WWOX: variants seen among roughly 807,000 people sequenced by gnomAD.
WWOX encodes the protein WW domain-containing oxidoreductase.
Under a neutral mutation model 46.2 loss-of-function variants are expected in WWOX, and 69 were observed. The ratio of observed to expected loss-of-function variants is 1.49; its 90% CI spans 1.23 to 1.82. WWOX has a LOEUF of 1.82. WWOX is among the 40% of genes most tolerant of loss of function. WWOX has a pLI of 0.00. For missense variants in WWOX, 919 were observed against 542.6 expected (o/e 1.69, Z -6.89); for synonymous variants, 359 against 202.6 (o/e 1.77, Z -6.56).
In WWOX at chr16:78,344,572, A is replaced by C. The variant is rs143058922; in HGVS notation, c.517-42288A>C. Among the ~76,000 whole-genome samples the C allele has an allele frequency of 4.1e-3, 496 of 121,172 alleles. 101 individuals carry two copies. The highest frequency in any genetic ancestry group is 0.013 in the African/African-American group (482 of 35,748). 79.5% of individuals were successfully genotyped at this position (121,172 alleles called of 152,430 possible). A position where few individuals can be genotyped will look rare whatever the true frequency, so the allele number is the denominator to read the frequency against. ...TCTTTGCCTGTGACTCTATCGTGTG[A>C]ATTAGCAGAGCTTGGCTATTATTCC... On this transcript the variant is annotated intron_variant, in intron 5 of 8. Coordinates refer to ENST00000566780, the MANE Select transcript of WWOX (RefSeq NM_016373.4).
intron 8 of WWOX, among the ~76,000 whole-genome samples, chr16:78,495,530 A>C (rs1449600462): frequency 7.4e-6 from 1 of 134,390 alleles, no homozygotes; most frequent in Non-Finnish European, 1.6e-5. Context: ...TTTTTTGGAG[A>C]TGGAGTCTCA....
At chr16:78,312,885 C>T (rs1028243296) in intron 5 of WWOX, among the ~76,000 whole-genome samples, 1 of 152,206 alleles carries the variant, frequency 6.6e-6, no homozygotes, top group Non-Finnish European at 1.5e-5. Context: ...GGCCTCACTT[C>T]CCACTGCCTC....
rs761638116 is a variant in WWOX at position 78,099,837 on chromosome 16, C to T, written c.59C>T (p.Pro20Leu). ...ACGGACAGTGAGGACGAGCTGCCTC[C>T]GGGCTGGGAGGAGAGAACCACCAAG... The part of the protein sequence containing the change: ...DDTDSEDELP[P>L]GWEERTTKDG... Residue 20 changes from proline (P) to leucine (L), a missense_variant, in exon 1 of 9, where the codon CCG becomes CTG. Transcript: ENST00000566780. 2.9e-5 allele frequency: 46 copies of T among 1,581,882 alleles called. No homozygotes were observed. Among genetic ancestry groups the T allele is most frequent in the Non-Finnish European group, 3.6e-5 (42 of 1,164,998 alleles).
At chr16:78,652,427 A>AG (rs1189099264) in intron 8 of WWOX, among the ~76,000 whole-genome samples, 2 of 144,594 alleles carry the variant, frequency 1.4e-5, no homozygotes, top group African/African-American at 4.9e-5. Context: ...AAAAAAAAAA[A>AG]AAAAGAAAAA....
intron 8 of WWOX, among the ~76,000 whole-genome samples, chr16:78,609,788 A>G (rs960283922): frequency 6.6e-6 from 1 of 152,216 alleles, no homozygotes; most frequent in Non-Finnish European, 1.5e-5. Flanking sequence ...TACCATGCAA[A>G]TGAAAATATT....
intron 8 of WWOX, among the ~76,000 whole-genome samples, chr16:79,185,198 G>C (rs1340386639): frequency 2.0e-5 from 3 of 152,182 alleles, no homozygotes; most frequent in Non-Finnish European, 2.9e-5. Context: ...CCTAGTTTCA[G>C]AATACTTGGA....
intron 8 of WWOX, among the ~76,000 whole-genome samples, chr16:78,577,232 C>T (rs1331945563): frequency 6.6e-6 from 1 of 152,196 alleles, no homozygotes; most frequent in African/African-American, 2.4e-5. Context: ...GTATGCCTTA[C>T]AAGGAGGTGA....
At chr16:78,492,885 C>T (rs1011242093) in intron 8 of WWOX, among the ~76,000 whole-genome samples, 1 of 152,188 alleles carries the variant, frequency 6.6e-6, no homozygotes, top group Admixed American at 6.5e-5. Flanking sequence ...ACCCAGTGTG[C>T]ATGCATGCAC....
At chr16:79,095,606 T>A (rs1208265065) in intron 8 of WWOX, among the ~76,000 whole-genome samples, 1 of 152,154 alleles carries the variant, frequency 6.6e-6, no homozygotes, top group Non-Finnish European at 1.5e-5. Context: ...TTATCACTCA[T>A]CTAGCGGAAG....
intron 8 of WWOX, among the ~76,000 whole-genome samples, chr16:78,954,550 A>G (rs553034606): frequency 3.4e-4 from 52 of 152,288 alleles, no homozygotes; most frequent in Non-Finnish European, 3.2e-4. Context: ...TTTCCTTTAT[A>G]TACTTGTGGA....
chr16:78,690,035 A>G (rs997318408), intron 8 of WWOX, among the ~76,000 whole-genome samples: 1 of 151,788 alleles, frequency 6.6e-6, no homozygotes, highest in Admixed American at 6.6e-5. Flanking sequence ...CAATTTTTGT[A>G]TTTTTAGTAG....
intron 8 of WWOX, among the ~76,000 whole-genome samples, chr16:78,770,849 G>A (rs1461975193): frequency 1.3e-5 from 2 of 152,260 alleles, no homozygotes; most frequent in Admixed American, 6.5e-5. Flanking sequence ...GTACTGAGAC[G>A]TCATCTGTGG....
intron 8 of WWOX, among the ~76,000 whole-genome samples, chr16:78,488,669 A>C (rs141351989): frequency 1.3e-5 from 2 of 152,112 alleles, no homozygotes; most frequent in African/African-American, 4.8e-5. Context: ...CAGTGGCTGT[A>C]GGGGAGGGGA....
At position 78,558,579 on chromosome 16, in the gene WWOX, C is replaced by G. The variant is rs188702233; in HGVS notation, c.1056+125827C>G. Among the ~76,000 whole-genome samples the G allele has an allele frequency of 4.6e-5, 7 of 152,310 alleles. No individual in the cohort carries two copies. In the East Asian group the frequency reaches 1.4e-3, roughly 29 times the overall value. ...CCTGCTTCACTCATTGTAGAAATGG[C>G]CTGGCCTCCTAGGCATTGGAGATTT... is the stretch of plus-strand genomic sequence containing the variant. On this transcript the variant is annotated intron_variant, in intron 8 of 8. Coordinates refer to ENST00000566780, the MANE Select transcript of WWOX (RefSeq NM_016373.4).
At chr16:78,337,028 G>A (rs1172740196) in intron 5 of WWOX, among the ~76,000 whole-genome samples, 1 of 152,018 alleles carries the variant, frequency 6.6e-6, no homozygotes, top group East Asian at 1.9e-4. Flanking sequence ...TGATCCACCC[G>A]CCTTGGCCTC....
intron 8 of WWOX, among the ~76,000 whole-genome samples, chr16:79,170,452 C>A (rs1295582698): frequency 1.1e-4 from 17 of 152,172 alleles, no homozygotes; most frequent in Admixed American, 1.1e-3. Context: ...ACTGTTAAGA[C>A]CACTTAATGT....
chr16:78,986,974 G>A (rs1029667756), intron 8 of WWOX, among the ~76,000 whole-genome samples: 1 of 152,010 alleles, frequency 6.6e-6, no homozygotes, highest in Non-Finnish European at 1.5e-5. Flanking sequence ...TGGTCAGGAG[G>A]TACAGTGCAC....
chr16:79,079,825 C>G (rs769669579), intron 8 of WWOX, among the ~76,000 whole-genome samples: 5 of 152,180 alleles, frequency 3.3e-5, no homozygotes, highest in Admixed American at 2.6e-4. Context: ...GGGTTGGACA[C>G]AAATGTGATT....
intron 8 of WWOX, among the ~76,000 whole-genome samples, chr16:79,144,153 G>T (rs1208324158): frequency 3.9e-5 from 6 of 152,168 alleles, no homozygotes; most frequent in Admixed American, 6.5e-5. Context: ...TCCTGTCTCA[G>T]CCTCCCAAAG....
Sources: allele counts gnomAD v4.1 joint callset (sites outside exome capture counted in the v4.1 genomes callset), GRCh38; gene constraint gnomAD v4.1.1; transcripts MANE v1.5; gene names NCBI Gene and HGNC (gene_info 2026-07-23, HGNC 2026-07-21).